BMP6: variants seen among roughly 807,000 people sequenced by gnomAD.
BMP6 encodes VG-1-R.
In BMP6, 17 loss-of-function variants were observed where a neutral mutation model predicts 54.1. The observed-to-expected ratio is 0.31, with a 90% CI of 0.22 to 0.47. The LOEUF (loss-of-function observed/expected upper bound fraction) is 0.47, where lower values mean the gene tolerates loss of function less well. BMP6 is among the 20% of genes least tolerant of loss of function. The probability of loss-of-function intolerance (pLI) is 1.00; values close to 1 mark genes in which losing one functional copy is unlikely to be tolerated. For missense variants in BMP6, 720 were observed against 690.4 expected, an observed-to-expected ratio of 1.04 and a Z score of -0.48; for synonymous variants, 328 against 291.2, an observed-to-expected ratio of 1.13 and a Z score of -1.28.
intron 2 of BMP6, among the ~76,000 whole-genome samples, chr6:7,848,398 A>G (rs1299515307): frequency 1.3e-5 from 2 of 152,212 alleles, no homozygotes; most frequent in African/African-American, 4.8e-5. Context: ...GCATTTCAGC[A>G]GACCACGAGA....
At chr6:7,813,869 TCCTCTACGGAGGGAAAGC>T (rs1464130996) in intron 1 of BMP6, among the ~76,000 whole-genome samples, 2 of 152,170 alleles carry the variant, frequency 1.3e-5, no homozygotes, top group African/African-American at 4.8e-5. Flanking sequence ...TTTTCTGATT[TCCTCTACGGAGGGAAAGC>T]CCAGCTGTTC....
At chr6:7,807,428 A>G (rs1428184120) in intron 1 of BMP6, among the ~76,000 whole-genome samples, 1 of 152,014 alleles carries the variant, frequency 6.6e-6, no homozygotes, top group Non-Finnish European at 1.5e-5. Flanking sequence ...AGAGTAGCAC[A>G]GGCCACCACA....
At chr6:7,877,798 AC>A (rs1759644876) in intron 4 of BMP6, among the ~76,000 whole-genome samples, 2 of 152,182 alleles carry the variant, frequency 1.3e-5, no homozygotes, top group Non-Finnish European at 2.9e-5. Context: ...CTAGGCTCTT[AC>A]ACCCACTGAC....
At chr6:7,804,491 G>T (rs1758317571) in intron 1 of BMP6, among the ~76,000 whole-genome samples, 1 of 152,094 alleles carries the variant, frequency 6.6e-6, no homozygotes, top group African/African-American at 2.4e-5. Context: ...TGACTATTGG[G>T]ACCAGTCGCC....
chr6:7,875,074 A>C (rs1181141294), intron 4 of BMP6, among the ~76,000 whole-genome samples: 1 of 152,134 alleles, frequency 6.6e-6, no homozygotes, highest in Non-Finnish European at 1.5e-5. Context: ...AGGCTTGAGA[A>C]CCAGGTGAGC....
intron 1 of BMP6, among the ~76,000 whole-genome samples, chr6:7,730,932 C>A (rs1761843576): frequency 6.6e-6 from 1 of 152,204 alleles, no homozygotes; most frequent in South Asian, 2.1e-4. Flanking sequence ...CATCCGACTT[C>A]CCTGGGACTG....
At chr6:7,869,371 G>T (rs1033428756) in intron 4 of BMP6, among the ~76,000 whole-genome samples, 1 of 152,272 alleles carries the variant, frequency 6.6e-6, no homozygotes, top group East Asian at 1.9e-4. Context: ...GGCTCTTCAG[G>T]AGGGCCAGAT....
chr6:7,839,358 G>A (rs1481456180), intron 1 of BMP6, among the ~76,000 whole-genome samples: 14 of 152,228 alleles, frequency 9.2e-5, no homozygotes, highest in Admixed American at 9.2e-4. Context: ...GTACGGTTCA[G>A]TGGCATTAAG....
At chr6:7,789,967 T>C (rs565182591) in intron 1 of BMP6, among the ~76,000 whole-genome samples, 2 of 152,120 alleles carry the variant, frequency 1.3e-5, no homozygotes, top group Non-Finnish European at 2.9e-5. Flanking sequence ...CTGATATAAC[T>C]GGGTCTGCTG....
chr6:7,760,319 C>T (rs1386824596), intron 1 of BMP6, among the ~76,000 whole-genome samples: 1 of 152,058 alleles, frequency 6.6e-6, no homozygotes, highest in East Asian at 1.9e-4. Flanking sequence ...TCCTAAATAC[C>T]TTTGTCAGTC....
intron 1 of BMP6, among the ~76,000 whole-genome samples, chr6:7,775,217 A>G (rs1757845789): frequency 6.6e-6 from 1 of 152,206 alleles, no homozygotes. Flanking sequence ...AATGGAAATT[A>G]AGATGAATGT....
chr6:7,820,141 A>G (rs139893752), intron 1 of BMP6, among the ~76,000 whole-genome samples: 1 of 152,382 alleles, frequency 6.6e-6, no homozygotes, highest in East Asian at 1.9e-4. Context: ...CCAGCTAACT[A>G]CAATTTTGTT....
intron 1 of BMP6, among the ~76,000 whole-genome samples, chr6:7,775,815 C>A (rs1219071558): frequency 2.0e-5 from 3 of 152,182 alleles, no homozygotes; most frequent in Non-Finnish European, 4.4e-5. Flanking sequence ...TGACTTAGTT[C>A]AGTATTTATA....
chr6:7,795,004 A>G (rs1235902039), intron 1 of BMP6, among the ~76,000 whole-genome samples: 1 of 151,524 alleles, frequency 6.6e-6, no homozygotes, highest in Non-Finnish European at 1.5e-5. Context: ...GGAACACAGG[A>G]GTCCTTGACA....
At position 7,854,225 on chromosome 6, in the gene BMP6, G is replaced by C. The variant is rs138147039; in HGVS notation, c.858-7226G>C. On this transcript the variant is annotated intron_variant, in intron 2 of 6. Transcript: ENST00000283147. Reference sequence around the variant, plus strand: ...CCTCGAAACAGATCGCTTTGGTTACGTGTGTCTCCATACTATGTTGTCCAG... The same window carrying C: ...CCTCGAAACAGATCGCTTTGGTTACCTGTGTCTCCATACTATGTTGTCCAG... Among the ~76,000 whole-genome samples the C allele has an allele frequency of 7.9e-5, 12 of 152,258 alleles. No individual in the cohort carries two copies. The East Asian group carries it at 2.3e-3, about 29-fold the overall frequency.
At chr6:7,877,863 C>A (rs1475183633) in intron 4 of BMP6, among the ~76,000 whole-genome samples, 1 of 152,136 alleles carries the variant, frequency 6.6e-6, no homozygotes, top group Non-Finnish European at 1.5e-5. Flanking sequence ...TTTCTCTCTC[C>A]GTCGTTTCTC....
Position 7,727,077 on chromosome 6 carries a change from G to T in BMP6, c.122G>T (p.Gly41Val). 6 of 1,255,334 alleles carry T rather than the reference G, an allele frequency of 4.8e-6. No individual in the cohort carries two copies. The highest frequency in any genetic ancestry group is 5.0e-6 in the Non-Finnish European group (5 of 1,001,034). The allele number at this position is 1,255,334 out of a possible 1,614,324, so 77.8% of individuals were successfully genotyped here. A position where few individuals can be genotyped will look rare whatever the true frequency, so the allele number is the denominator to read the frequency against. Residue 41 changes from glycine (G) to valine (V), a missense_variant, in exon 1 of 7, where the codon GGG becomes GTG. This residue lies in a region of BMP6 where 650 missense variants were observed against 556.3 expected (regional missense o/e 1.17). Coordinates refer to ENST00000283147, the MANE Select transcript of BMP6 (RefSeq NM_001718.6). ...LPAAAAAAAG[G>V]QLLGDGGSPG... is the part of the protein sequence containing the mutation. ...GCTGCCGCGGCCGCCGCCGCCGGGGGGCAGCTGCTGGGGGACGGCGGGAGC... is the reference window on the plus strand; with the variant it reads ...GCTGCCGCGGCCGCCGCCGCCGGGGTGCAGCTGCTGGGGGACGGCGGGAGC...
intron 2 of BMP6, among the ~76,000 whole-genome samples, chr6:7,857,178 C>T (rs1415977752): frequency 3.3e-5 from 5 of 152,234 alleles, no homozygotes; most frequent in Admixed American, 3.3e-4. Flanking sequence ...TGCCCACAAA[C>T]ACCAATTCTA....
intron 1 of BMP6, among the ~76,000 whole-genome samples, chr6:7,814,435 C>A (rs978120998): frequency 7.2e-5 from 11 of 152,142 alleles, no homozygotes; most frequent in African/African-American, 2.7e-4. Context: ...TCTTCCACTC[C>A]CCGATTTCTG....
Sources: gnomAD v4.1 joint callset for allele counts (sites outside exome capture counted in the v4.1 genomes callset) on GRCh38, gnomAD v4.1.1 for gene constraint, gnomAD v4.1.1 regional missense constraint, MANE v1.5 for transcripts, NCBI Gene and HGNC (gene_info 2026-07-23, HGNC 2026-07-21) for gene names.